The following GABRG2 variants were observed in gnomAD, a reference collection of about 807,000 sequenced individuals.
The protein encoded by GABRG2 is gamma-aminobutyric acid type A receptor subunit gamma2, also known as gamma-aminobutyric acid receptor subunit gamma-2.
GABRG2 carries 16 observed loss-of-function variants against 56.4 expected under a neutral mutation model. The ratio of observed to expected loss-of-function variants is 0.28; its 90% CI spans 0.19 to 0.43. The LOEUF (loss-of-function observed/expected upper bound fraction) is 0.43, where lower values mean the gene tolerates loss of function less well. Among genes scored for constraint, GABRG2 ranks in the 20% least tolerant of loss-of-function variants. GABRG2 has a pLI of 1.00. For synonymous variants in GABRG2, 208 were observed against 205.5 expected, an observed-to-expected ratio of 1.01 and a Z score of -0.10; for missense variants, 327 against 582.7, an observed-to-expected ratio of 0.56 and a Z score of 4.52.
At chr5:162,096,340 C>G (rs1760993220) in intron 3 of GABRG2, among the ~76,000 whole-genome samples, 1 of 152,066 alleles carries the variant, frequency 6.6e-6, no homozygotes, top group South Asian at 2.1e-4. Flanking sequence ...GAAGTAGAGG[C>G]TATATAGATA....
chr5:162,115,239 CAAAT>C (rs1762534950), intron 6 of GABRG2, among the ~76,000 whole-genome samples: 1 of 152,050 alleles, frequency 6.6e-6, no homozygotes, highest in African/African-American at 2.4e-5. Flanking sequence ...CATCTCAAAA[CAAAT>C]AAAAATCAGA....
intron 5 of GABRG2, chr5:162,102,287 G>T: frequency 4.2e-6 from 1 of 240,030 alleles, no homozygotes; most frequent in Non-Finnish European, 8.6e-6. Flanking sequence ...TAATTATAAA[G>T]TTAAAGCTTC....
chr5:162,154,036 A>G lies in GABRG2; in HGVS notation c.*668A>G, dbSNP rs1765558178. The G allele has an allele frequency of 6.5e-6, 1 of 152,744 alleles. No individual in the cohort carries two copies. The allele number at this position is 152,744 out of a possible 1,614,324, so 9.5% of individuals were successfully genotyped here. The stretch of plus-strand genomic sequence containing the variant: ...TCCTTGGGCTATAAAAGATTCCTGA[A>G]TGTAATTATAAGGATTTGGGTTTGG... On this transcript the variant is annotated 3_prime_UTR_variant, in exon 10 of 10. Transcript: ENST00000639213.
intron 4 of GABRG2, among the ~76,000 whole-genome samples, 165 bp from the exon 5 acceptor site, chr5:162,101,070 T>C (rs774413861): frequency 5.3e-5 from 8 of 152,190 alleles, no homozygotes; most frequent in South Asian, 2.1e-4. Context: ...TTAAGTCTTA[T>C]GTAATTTTTT....
intron 6 of GABRG2, among the ~76,000 whole-genome samples, chr5:162,116,501 C>T (rs534548149): frequency 6.6e-6 from 1 of 151,830 alleles, no homozygotes; most frequent in South Asian, 2.1e-4. Flanking sequence ...CTTTGTGGGT[C>T]TTAAGTAATT....
At chr5:162,132,868 TCTATACA>T in intron 6 of GABRG2, among the ~76,000 whole-genome samples, 1 of 152,148 alleles carries the variant, frequency 6.6e-6, no homozygotes, top group South Asian at 2.1e-4. Context: ...ACAACCATAC[TCTATACA>T]AACATTAAGT....
chr5:162,109,828 G>T lies in GABRG2; in HGVS notation c.769+5802G>T, dbSNP rs574358546. ...TTTTGACTCTTTTTTCTTCTCTGTT[G>T]TCATCCTGAGATGTGGGCTAGAAAA... On this transcript the variant is annotated intron_variant, in intron 6 of 9. Transcript: ENST00000639213. 5.3e-5 allele frequency among the ~76,000 whole-genome samples: 8 copies of T among 151,956 alleles called. No individual in the cohort carries two copies. The East Asian group carries it at 1.4e-3, about 26-fold the overall frequency.
chr5:162,127,935 G>A (rs963082141), intron 6 of GABRG2, among the ~76,000 whole-genome samples: 1 of 152,012 alleles, frequency 6.6e-6, no homozygotes, highest in African/African-American at 2.4e-5. Flanking sequence ...ACAGAGTGCT[G>A]CTCAGGGTAA....
At chr5:162,093,136 C>G (rs1760735070) in intron 1 of GABRG2, among the ~76,000 whole-genome samples, 1 of 152,134 alleles carries the variant, frequency 6.6e-6, no homozygotes, top group Non-Finnish European at 1.5e-5. Flanking sequence ...CATTTCATTT[C>G]TATGATTATA....
chr5:162,074,762 G>T (rs751086097), intron 1 of GABRG2, among the ~76,000 whole-genome samples: 1 of 151,918 alleles, frequency 6.6e-6, no homozygotes, highest in African/African-American at 2.4e-5. Context: ...TTTATGAAAC[G>T]AATATCATTT....
In GABRG2 at chr5:162,101,482, C is replaced by T. The variant is rs1197140831; in HGVS notation, c.631+165C>T. 42 of 665,944 alleles carry T rather than the reference C, an allele frequency of 6.3e-5. No homozygotes were observed. In the East Asian group the frequency reaches 9.2e-4, roughly 15 times the overall value. 41.3% of individuals were successfully genotyped at this position (665,944 alleles called of 1,614,324 possible). A position where few individuals can be genotyped will look rare whatever the true frequency, so the allele number is the denominator to read the frequency against. ...CTTTCATCTTAATCCCAGCTTGCTC[C>T]GATTAGGGTGATTCCTGCAAAAGAA... On this transcript the variant is annotated intron_variant, in intron 5 of 9. Coordinates refer to ENST00000639213, the MANE Select transcript of GABRG2 (RefSeq NM_198904.4).
At chr5:162,119,048 A>C (rs748336537) in intron 6 of GABRG2, among the ~76,000 whole-genome samples, 3 of 152,144 alleles carry the variant, frequency 2.0e-5, no homozygotes, top group Non-Finnish European at 4.4e-5. Flanking sequence ...AGTTAAATGC[A>C]GTCCTTTAAG....
intron 3 of GABRG2, among the ~76,000 whole-genome samples, chr5:162,096,665 G>A (rs1212662751): frequency 6.6e-6 from 1 of 151,854 alleles, no homozygotes; most frequent in Non-Finnish European, 1.5e-5. Flanking sequence ...GTGGGAGGTG[G>A]TGCAAGGAAA....
intron 8 of GABRG2, chr5:162,150,877 T>G (rs1462058493): frequency 6.6e-6 from 1 of 152,264 alleles, no homozygotes; most frequent in Non-Finnish European, 1.5e-5. Flanking sequence ...GTCCTTCCCT[T>G]CCCTGTCTGT....
chr5:162,089,335 T>C (rs546766293), intron 1 of GABRG2, among the ~76,000 whole-genome samples: 1 of 152,180 alleles, frequency 6.6e-6, no homozygotes, highest in Non-Finnish European at 1.5e-5. Context: ...TACAGCCTTG[T>C]GAGAATCTAG....
Position 162,075,344 on chromosome 5 carries a change from C to G in GABRG2, c.107+7238C>G, listed in dbSNP as rs79039498. ...TTTGAAGTTTTTGCTCAGAGCTCAC[C>G]TTCTCAATAAAGCCTGCACCTACCA... On this transcript the variant is annotated intron_variant, in intron 1 of 9. Coordinates refer to ENST00000639213, the MANE Select transcript of GABRG2 (RefSeq NM_198904.4). 4.3e-3 allele frequency among the ~76,000 whole-genome samples: 653 copies of G among 152,132 alleles called. 7 individuals are homozygous for G. The highest frequency in any genetic ancestry group is 0.015 in the African/African-American group (626 of 41,510).
chr5:162,130,336 G>T (rs1303419769), intron 6 of GABRG2, among the ~76,000 whole-genome samples: 2 of 151,798 alleles, frequency 1.3e-5, no homozygotes, highest in African/African-American at 4.8e-5. Flanking sequence ...TTTGTGATTT[G>T]ACCTTTTGCA....
chr5:162,128,436 A>G (rs144542748), intron 6 of GABRG2: 1 of 152,112 alleles, frequency 6.6e-6, no homozygotes, highest in East Asian at 1.9e-4. Flanking sequence ...TTTGTTTTAC[A>G]TAACAGCATG....
intron 5 of GABRG2, chr5:162,103,070 G>A (rs1761552626): frequency 6.5e-6 from 1 of 153,696 alleles, no homozygotes; most frequent in Non-Finnish European, 1.4e-5. Context: ...TTCTGCAGTT[G>A]ACTTCATAAT....
Sources: allele counts gnomAD v4.1 joint callset (sites outside exome capture counted in the v4.1 genomes callset), GRCh38; gene constraint gnomAD v4.1.1; transcripts MANE v1.5; gene names NCBI Gene and HGNC (gene_info 2026-07-23, HGNC 2026-07-21).